The following TRIOBP variants were observed in gnomAD, a reference collection of about 807,000 sequenced individuals.
TRIOBP encodes TRIO and F-actin-binding protein.
TRIOBP carries 169 observed loss-of-function variants against 238.8 expected under a neutral mutation model. That is an observed-to-expected ratio of 0.71 (90% CI 0.62 to 0.80). The LOEUF is 0.80. Ranked by LOEUF, TRIOBP falls within the 30% of genes least tolerant of loss-of-function variation. TRIOBP has a pLI of 0.00. For synonymous variants in TRIOBP, 1,150 were observed against 1,274.4 expected, an observed-to-expected ratio of 0.90 and a Z score of 2.08; for missense variants, 2,838 against 3,122.6, an observed-to-expected ratio of 0.91 and a Z score of 2.17.
chr22:37,710,217 C>T (rs1466985020), intron 3 of TRIOBP, among the ~76,000 whole-genome samples: 2 of 152,248 alleles, frequency 1.3e-5, no homozygotes, highest in East Asian at 1.9e-4. Context: ...TATGTGTACA[C>T]TCACGTGTGC....
chr22:37,711,806 TA>T (rs1923262609), intron 4 of TRIOBP, among the ~76,000 whole-genome samples: 1 of 152,192 alleles, frequency 6.6e-6, no homozygotes, highest in Non-Finnish European at 1.5e-5. Context: ...AGCTCTTTTT[TA>T]TGGCCATCAC....
chr22:37,709,983 C>T (rs1923149135), intron 3 of TRIOBP, among the ~76,000 whole-genome samples: 1 of 152,248 alleles, frequency 6.6e-6, no homozygotes, highest in Admixed American at 6.5e-5. Flanking sequence ...TCGCCCTTGT[C>T]TTTTGGCCGC....
chr22:37,733,180 C>T (rs905909600), intron 7 of TRIOBP, 118 bp from the exon 8 acceptor site: 15 of 791,904 alleles, frequency 1.9e-5, no homozygotes, highest in African/African-American at 1.9e-4. Flanking sequence ...GGCCCTTCAA[C>T]GAGCTTGCAG....
intron 15 of TRIOBP, among the ~76,000 whole-genome samples, chr22:37,756,872 C>T (rs1392329063): frequency 6.6e-6 from 1 of 152,240 alleles, no homozygotes; most frequent in Admixed American, 6.5e-5. Context: ...CGCCTTCACC[C>T]CATCAGCAGT....
chr22:37,730,581 T>C (rs937832378), intron 7 of TRIOBP, among the ~76,000 whole-genome samples: 3 of 152,100 alleles, frequency 2.0e-5, no homozygotes, highest in Admixed American at 2.0e-4. Context: ...TATACCCCAG[T>C]TCGGGGGAAA....
chr22:37,762,759 G>A (rs532517404), intron 17 of TRIOBP, among the ~76,000 whole-genome samples: 1 of 152,162 alleles, frequency 6.6e-6, no homozygotes, highest in Non-Finnish European at 1.5e-5. Context: ...GGGAGGAGGC[G>A]GATGGAAATT....
In TRIOBP at chr22:37,769,328, G is replaced by T; in HGVS notation, c.6802G>T (p.Gly2268Cys). The T allele has an allele frequency of 6.2e-7, 1 of 1,611,648 alleles. No individual in the cohort carries two copies. The stretch of plus-strand genomic sequence containing the variant: ...CGGCTTCATTGCCTCGCAGGGCATG[G>T]GCAATGGCTGCGGGCGCAGCAACGA... Reference protein sequence around the residue: ...LRGFIASQGMGNGCGRSNERS... With the variant: ...LRGFIASQGMCNGCGRSNERS... Residue 2268 changes from glycine (G) to cysteine (C), a missense_variant, in exon 21 of 24, where the codon GGC becomes TGC. By Grantham distance (159) the Gly-to-Cys change is radical. This residue lies in a region of TRIOBP where 2,096 missense variants were observed against 2,137.4 expected (regional missense o/e 0.98). Coordinates refer to ENST00000644935, the MANE Select transcript of TRIOBP (RefSeq NM_001039141.3).
Position 37,757,920 on chromosome 22 carries a change from G to A in TRIOBP, c.5995G>A (p.Glu1999Lys). The A allele has an allele frequency of 6.4e-7, 1 of 1,554,528 alleles. No homozygotes were observed. The highest frequency in any genetic ancestry group is 2.4e-5 in the East Asian group (1 of 41,040). ...WFEATDSRTP[E>K]VPAGEGPRRG... ...TGAGGCCACAGACAGCAGGACCCCA[G>A]AGGTGCCTGCTGGTGAGGGGCCGCG... The change falls in exon 16 of 24, where the codon GAG becomes AAG. Residue 1999 changes from glutamate (E) to lysine (K), a missense_variant. This residue lies in a region of TRIOBP where 2,096 missense variants were observed against 2,137.4 expected (regional missense o/e 0.98). Coordinates refer to ENST00000644935, the MANE Select transcript of TRIOBP (RefSeq NM_001039141.3).
In TRIOBP at chr22:37,757,615, T is replaced by C. The variant is rs1425616096; in HGVS notation, c.5690T>C (p.Leu1897Pro). 1.3e-6 allele frequency: 2 copies of C among 1,580,644 alleles called. No individual in the cohort carries two copies. The highest frequency in any genetic ancestry group is 1.7e-6 in the Non-Finnish European group (2 of 1,166,322). The change falls in exon 16 of 24, where the codon CTC becomes CCC. Residue 1897 changes from leucine (L) to proline (P), a missense_variant and splice_region_variant. By Grantham distance (98) the Leu-to-Pro change is moderately conservative (BLOSUM62 -3). This residue lies in a region of TRIOBP where 2,096 missense variants were observed against 2,137.4 expected (regional missense o/e 0.98). Coordinates refer to ENST00000644935, the MANE Select transcript of TRIOBP (RefSeq NM_001039141.3). ...ACGTGGCTCTGCTGGTGCCCTAGGC[T>C]CTCGGACTCTAACAAGGAGAACGCG... Reference protein sequence around the residue: ...RPTSAPDVTKLSDSNKENALH... With the variant: ...RPTSAPDVTKPSDSNKENALH...
intron 7 of TRIOBP, among the ~76,000 whole-genome samples, chr22:37,731,329 A>C (rs1164507959): frequency 6.6e-6 from 1 of 151,800 alleles, no homozygotes; most frequent in South Asian, 2.1e-4. Flanking sequence ...TTTTCCTAGA[A>C]CAAGGTCTCA....
In TRIOBP at chr22:37,734,744, G is replaced by T. The variant is rs752309494; in HGVS notation, c.4408G>T (p.Ala1470Ser). Residue 1470 changes from alanine (A) to serine (S), a missense_variant, in exon 9 of 24, where the codon GCC (alanine) becomes TCC (serine). Transcript: ENST00000644935. ...WGCGEPSLGA[A>S]KAPEGAWGGT... Reference sequence around the variant, plus strand: ...ATGTGGAGAGCCCAGCCTGGGGGCAGCCAAAGCCCCGGAGGGAGCATGGGG... The same window carrying T: ...ATGTGGAGAGCCCAGCCTGGGGGCATCCAAAGCCCCGGAGGGAGCATGGGG... 6.2e-7 allele frequency: 1 copy of T among 1,611,152 alleles called. No homozygotes were observed. Among genetic ancestry groups the T allele is most frequent in the Admixed American group, 1.7e-5 (1 of 59,732 alleles).
intron 4 of TRIOBP, among the ~76,000 whole-genome samples, chr22:37,711,503 C>T (rs1318074781): frequency 2.7e-5 from 4 of 148,806 alleles, no homozygotes; most frequent in African/African-American, 7.5e-5. Context: ...CACTTGAACC[C>T]GGGAGGCAGA....
At position 37,734,826 on chromosome 22, in the gene TRIOBP, A is replaced by G; in HGVS notation, c.4490A>G (p.Lys1497Arg). The G allele has an allele frequency of 4.3e-6, 7 of 1,612,630 alleles. No homozygotes were observed. The highest frequency in any genetic ancestry group is 5.9e-6 in the Non-Finnish European group (7 of 1,179,896). Reference protein sequence around the residue: ...SWGQPEAWEEKPTHELPRELG... With the variant: ...SWGQPEAWEERPTHELPRELG... ...GGGCAGCCAGAGGCCTGGGAGGAGA[A>G]GCCCACTCATGAGCTCCCCAGAGAA... The change falls in exon 9 of 24, where the codon AAG becomes AGG. Residue 1497 changes from lysine to arginine, a missense_variant. Physicochemically the swap from Lys to Arg is conservative, Grantham distance 26. Around this residue, in one of 5 missense-constraint regions of TRIOBP, gnomAD observed 2,096 missense variants for 2,137.4 expected, o/e 0.98. Transcript: ENST00000644935.
In TRIOBP at chr22:37,751,777, T is replaced by C. The variant is rs147359138; in HGVS notation, c.5328T>C (p.Asp1776=). ...SLGVLRWRRP[D]LLNFKKGWMS... ...CCCTCCTCATCTCCCCACAGCCCGA[T>C]CTGCTCAACTTCAAGAAGGGATGGA... is the stretch of plus-strand genomic sequence containing the variant. Residue 1776 remains aspartate (D), a synonymous_variant, in exon 12 of 24, where the codon GAT becomes GAC. Transcript: ENST00000644935. The C allele has an allele frequency of 1.4e-5, 22 of 1,613,974 alleles. No homozygotes were observed. In the African/African-American group the frequency reaches 2.4e-4, roughly 18 times the overall value.
chr22:37,759,382 T>C (rs1465438946), intron 17 of TRIOBP, 118 bp downstream of exon 17: 13 of 1,281,798 alleles, frequency 1.0e-5, no homozygotes, highest in Non-Finnish European at 9.1e-6. Flanking sequence ...GTGTGGGGCA[T>C]TTGACATGCG....
At chr22:37,771,842 C>T (rs748317916) in intron 22 of TRIOBP, 106 bp downstream of exon 22, 1 of 983,240 alleles carries the variant, frequency 1.0e-6, no homozygotes. Flanking sequence ...CTTCATCCTT[C>T]CTCAGGCTCT....
chr22:37,734,947 G>A lies in TRIOBP; in HGVS notation c.4611G>A (p.Val1537=). 1 of 1,613,462 alleles carries A rather than the reference G, an allele frequency of 6.2e-7. No homozygotes were observed. Among genetic ancestry groups the A allele is most frequent in the Non-Finnish European group, 8.5e-7 (1 of 1,180,012 alleles). ...GGCACTCTGGGACACCCACTGCTGT[G>A]GGCTGGGGGGCAGAGGGAGCGTGTC... The part of the protein sequence containing the change: ...QSWHSGTPTA[V]GWGAEGACPY... The change falls in exon 9 of 24, where the codon GTG becomes GTA. Residue 1537 remains valine (V), a synonymous_variant. Coordinates refer to ENST00000644935, the MANE Select transcript of TRIOBP (RefSeq NM_001039141.3).
chr22:37,728,602 T>C (rs965585208), intron 7 of TRIOBP, among the ~76,000 whole-genome samples: 2 of 152,204 alleles, frequency 1.3e-5, no homozygotes, highest in Non-Finnish European at 1.5e-5. Flanking sequence ...TACAGCAAAA[T>C]TGAGCAGAAA....
intron 7 of TRIOBP, among the ~76,000 whole-genome samples, chr22:37,727,406 T>C (rs541459697): frequency 2.0e-5 from 3 of 151,982 alleles, no homozygotes; most frequent in South Asian, 4.2e-4. Context: ...CGGTGGCTCA[T>C]GCCTGTAATC....
Sources: gnomAD v4.1 joint callset for allele counts (sites outside exome capture counted in the v4.1 genomes callset) on GRCh38, gnomAD v4.1.1 for gene constraint, gnomAD v4.1.1 regional missense constraint, MANE v1.5 for transcripts, NCBI Gene and HGNC (gene_info 2026-07-23, HGNC 2026-07-21) for gene names.